The following KIAA1549 variants were observed in gnomAD, a reference collection of about 807,000 sequenced individuals.
KIAA1549 encodes the protein UPF0606 protein KIAA1549.
Under a neutral mutation model 156.4 loss-of-function variants are expected in KIAA1549, and 70 were observed. That is an observed-to-expected ratio of 0.45 (90% CI 0.37 to 0.55). KIAA1549 has a LOEUF of 0.55. Ranked by LOEUF, KIAA1549 falls within the 20% of genes least tolerant of loss-of-function variation. KIAA1549 has a pLI of 0.00. For synonymous variants in KIAA1549, 1,103 were observed against 1,066.4 expected (o/e 1.03, Z -0.67); for missense variants, 2,428 against 2,540.9 (o/e 0.96, Z 0.96).
intron 1 of KIAA1549, among the ~76,000 whole-genome samples, chr7:138,956,723 T>G (rs1001793897): frequency 6.6e-6 from 1 of 152,220 alleles, no homozygotes; most frequent in African/African-American, 2.4e-5. Context: ...ATCTCAGGTA[T>G]GTCTTTATCA....
In KIAA1549 at chr7:138,870,239, G is replaced by A. The variant is rs919852886; in HGVS notation, c.4552-478C>T. ...TGTCTGTAAGCTCCACGGAGTCACC[G>A]AGAGAGCGACAGGCACAGACCAGGG... On this transcript the variant is annotated intron_variant, in intron 13 of 19. Transcript: ENST00000422774. Among the ~76,000 whole-genome samples, 8 of 151,930 alleles carry A rather than the reference G, an allele frequency of 5.3e-5. 1 individual carries two copies. In the South Asian group the frequency reaches 6.2e-4, roughly 12 times the overall value.
In KIAA1549 at chr7:138,919,158, C is replaced by A; in HGVS notation, c.468G>T (p.Glu156Asp). The A allele has an allele frequency of 6.2e-7, 1 of 1,614,050 alleles. No individual in the cohort carries two copies. The highest frequency in any genetic ancestry group is 8.5e-7 in the Non-Finnish European group (1 of 1,179,908). The change falls in exon 2 of 20, where the codon GAG becomes GAT. Residue 156 changes from glutamate (E) to aspartate (D), a missense_variant. This residue lies in a region of KIAA1549 where 893 missense variants were observed against 847.9 expected (regional missense o/e 1.05). Transcript: ENST00000422774. Reference protein sequence around the residue: ...TSKEVAVNDDEMDNFLPDTHW... With the variant: ...TSKEVAVNDDDMDNFLPDTHW... ...GAGTATCTGGCAGAAAGTTATCCAT[C>A]TCATCGTCATTGACGGCCACCTCTT...
chr7:138,922,534 AT>A (rs1812593837), intron 1 of KIAA1549, among the ~76,000 whole-genome samples: 1 of 152,192 alleles, frequency 6.6e-6, no homozygotes, highest in Non-Finnish European at 1.5e-5. Context: ...TTCATTTAAA[AT>A]AATAAAGACT....
intron 1 of KIAA1549, among the ~76,000 whole-genome samples, chr7:138,923,427 C>G (rs903796478): frequency 6.6e-6 from 1 of 152,024 alleles, no homozygotes; most frequent in Non-Finnish European, 1.5e-5. Flanking sequence ...ACGGTGAAAC[C>G]CTGTCTCTAC....
intron 1 of KIAA1549, among the ~76,000 whole-genome samples, chr7:138,958,764 A>G (rs932771688): frequency 3.3e-5 from 5 of 152,240 alleles, no homozygotes; most frequent in Admixed American, 1.3e-4. Context: ...AGGGTCACTC[A>G]GCAACAATCC....
intron 2 of KIAA1549, among the ~76,000 whole-genome samples, chr7:138,915,586 G>A (rs1484653888): frequency 6.6e-6 from 1 of 151,668 alleles, no homozygotes; most frequent in African/African-American, 2.4e-5. Flanking sequence ...AGTGAGCAGA[G>A]GCTCCCAGCA....
At chr7:138,924,680 GCCAAGC>G (rs1812661894) in intron 1 of KIAA1549, among the ~76,000 whole-genome samples, 1 of 152,016 alleles carries the variant, frequency 6.6e-6, no homozygotes, top group Non-Finnish European at 1.5e-5. Context: ...CTTTCTCTCT[GCCAAGC>G]CCCAGGAGGG....
intron 1 of KIAA1549, among the ~76,000 whole-genome samples, chr7:138,927,506 C>T (rs976857482): frequency 2.6e-5 from 4 of 152,168 alleles, no homozygotes; most frequent in African/African-American, 4.8e-5. Context: ...CGTGTGGTGG[C>T]GCATGCCAGT....
intron 1 of KIAA1549, among the ~76,000 whole-genome samples, chr7:138,964,754 C>G (rs1813964432): frequency 1.3e-5 from 2 of 152,190 alleles, no homozygotes; most frequent in African/African-American, 2.4e-5. Flanking sequence ...GAGAAGCAAG[C>G]TGGCACTCTG....
chr7:138,925,829 C>CAAAAAAAAAAAAAAA (rs59066216), intron 1 of KIAA1549, among the ~76,000 whole-genome samples: 1 of 44,604 alleles, frequency 2.2e-5, no homozygotes, highest in African/African-American at 7.0e-5. Context: ...GATCCTGTCT[C>CAAAAAAAAAAAAAAA]AAAAAAAAAA....
intron 15 of KIAA1549, among the ~76,000 whole-genome samples, chr7:138,861,690 TAA>T (rs1195358738): frequency 1.7e-4 from 15 of 90,206 alleles, no homozygotes; most frequent in Non-Finnish European, 1.9e-4. Context: ...CCCCCATCTC[TAA>T]AAAAAAAAAA....
intron 12 of KIAA1549, among the ~76,000 whole-genome samples, chr7:138,873,698 C>T (rs1006486796): frequency 1.3e-5 from 2 of 151,706 alleles, no homozygotes; most frequent in African/African-American, 2.4e-5. Context: ...GTCCAGAGCC[C>T]GGCTCACCCC....
At chr7:138,891,247 C>T (rs971238119) in intron 10 of KIAA1549, among the ~76,000 whole-genome samples, 1 of 152,228 alleles carries the variant, frequency 6.6e-6, no homozygotes, top group Non-Finnish European at 1.5e-5. Flanking sequence ...ACACCCAGTG[C>T]CTGAGGCAGC....
Position 138,837,736 on chromosome 7 carries a change from A to G in KIAA1549, c.*170T>C. ...CAATTGCCAGCCCAGTGAAAGGCTC[A>G]TGAGCTGTCACACGACGTATGGCAT... On this transcript the variant is annotated 3_prime_UTR_variant, in exon 20 of 20. Coordinates refer to ENST00000422774, the MANE Select transcript of KIAA1549 (RefSeq NM_001164665.2). 1.5e-6 allele frequency: 1 copy of G among 671,914 alleles called. No individual in the cohort carries two copies. The highest frequency in any genetic ancestry group is 2.5e-6 in the Non-Finnish European group (1 of 403,524). The allele number at this position is 671,914 out of a possible 1,614,324, so 41.6% of individuals were successfully genotyped here.
chr7:138,897,892 C>CAAAAA lies in KIAA1549; in HGVS notation c.3847+1058_3847+1062dup, dbSNP rs59242488. Reference sequence around the variant, plus strand: ...TGGGTGACAGAGCAAGACCCTTTCTCAAAAAAAAAAAAAAAAAAAAAAAAA... The same window carrying CAAAAA: ...TGGGTGACAGAGCAAGACCCTTTCTCAAAAAAAAAAAAAAAAAAAAAAAAAAAAAA... On this transcript the variant is annotated intron_variant, in intron 9 of 19. Transcript: ENST00000422774. Among the ~76,000 whole-genome samples, 76 of 27,494 alleles carry CAAAAA rather than the reference C, an allele frequency of 2.8e-3. 4 individuals carry two copies. Among genetic ancestry groups the CAAAAA allele is most frequent in the South Asian group, 6.9e-3 (3 of 434 alleles). 18.0% of individuals were successfully genotyped at this position (27,494 alleles called of 152,430 possible). A position where few individuals can be genotyped will look rare whatever the true frequency, so the allele number is the denominator to read the frequency against.
chr7:138,906,888 T>G, intron 6 of KIAA1549, 31 bp downstream of exon 6: 1 of 1,395,376 alleles, frequency 7.2e-7, no homozygotes, highest in Non-Finnish European at 9.4e-7. Flanking sequence ...CGCCATCACC[T>G]CCCCAGCATG....
At position 138,917,824 on chromosome 7, in the gene KIAA1549, G is replaced by A. The variant is rs149565300; in HGVS notation, c.1802C>T (p.Ser601Leu). The A allele has an allele frequency of 2.8e-4, 442 of 1,597,836 alleles. 3 individuals are homozygous for A. The African/African-American group carries it at 4.9e-3, about 18-fold the overall frequency. ...GGAACGTTCTTGGTCAGAGAAAAGT[G>A]AAGACTCCACTGAAGGAACCAGACT... ...PYSLVPSVES[S>L]LFSDQERSSF... The change falls in exon 2 of 20, where the codon TCA (serine) becomes TTA (leucine). Residue 601 changes from serine (S) to leucine (L), a missense_variant. Ser to Leu is a moderately radical substitution (Grantham distance 145). This residue lies in a region of KIAA1549 where 893 missense variants were observed against 847.9 expected (regional missense o/e 1.05). Coordinates refer to ENST00000422774, the MANE Select transcript of KIAA1549 (RefSeq NM_001164665.2).
At chr7:138,839,342 G>A (rs1354601038) in intron 19 of KIAA1549, among the ~76,000 whole-genome samples, 1 of 152,132 alleles carries the variant, frequency 6.6e-6, no homozygotes, top group Non-Finnish European at 1.5e-5. Flanking sequence ...TACAGTTCTT[G>A]AGAAAAGCAA....
chr7:138,852,329 C>T, intron 16 of KIAA1549, 60 bp from the exon 17 acceptor site: 2 of 1,132,542 alleles, frequency 1.8e-6, no homozygotes, highest in Non-Finnish European at 2.5e-6. Context: ...AAAGTGACAA[C>T]AGCAAACTTA....
Sources: allele counts gnomAD v4.1 joint callset (sites outside exome capture counted in the v4.1 genomes callset), GRCh38; gene constraint gnomAD v4.1.1; regional missense constraint gnomAD v4.1.1; transcripts MANE v1.5; gene names NCBI Gene and HGNC (gene_info 2026-07-23, HGNC 2026-07-21).